The following PRKCB variants were observed in gnomAD, a reference collection of about 807,000 sequenced individuals.
PRKCB encodes protein kinase C beta.
A neutral mutation model predicts 81.5 loss-of-function variants in PRKCB; 13 were observed. That is an observed-to-expected ratio of 0.16 (90% CI 0.10 to 0.25). The LOEUF is 0.25. Among genes scored for constraint, PRKCB ranks in the 10% least tolerant of loss-of-function variants. The probability of loss-of-function intolerance (pLI) is 1.00; values close to 1 mark genes in which losing one functional copy is unlikely to be tolerated. For synonymous variants in PRKCB, 335 were observed against 321.4 expected (o/e 1.04, Z -0.45); for missense variants, 509 against 875.7 (o/e 0.58, Z 5.29).
At chr16:23,928,128 T>A (rs1464205847) in intron 2 of PRKCB, among the ~76,000 whole-genome samples, 2 of 151,988 alleles carry the variant, frequency 1.3e-5, no homozygotes, top group Non-Finnish European at 2.9e-5. Flanking sequence ...GTTTATTTTT[T>A]ATTTTTATTT....
intron 2 of PRKCB, among the ~76,000 whole-genome samples, chr16:23,887,373 G>T (rs933292): frequency 6.6e-6 from 1 of 152,132 alleles, no homozygotes; most frequent in South Asian, 2.1e-4. Context: ...CGAGTTCCCA[G>T]TGTCTGTTGT....
At chr16:23,953,691 C>T (rs2141781501) in intron 2 of PRKCB, among the ~76,000 whole-genome samples, 1 of 152,262 alleles carries the variant, frequency 6.6e-6, no homozygotes, top group East Asian at 1.9e-4. Context: ...AATGCGTGAG[C>T]ACATTCATTC....
intron 8 of PRKCB, 72 bp downstream of exon 8, chr16:24,113,141 CTCT>C (rs1966695544): frequency 3.9e-6 from 4 of 1,026,380 alleles, no homozygotes; most frequent in Non-Finnish European, 4.3e-6. Context: ...CTGCTCCCTC[CTCT>C]TTCTTTCTCT....
chr16:24,024,586 C>T (rs921121949), intron 3 of PRKCB, among the ~76,000 whole-genome samples: 1 of 151,984 alleles, frequency 6.6e-6, no homozygotes, highest in African/African-American at 2.4e-5. Context: ...CACATTGTAC[C>T]CCATAAATGC....
At chr16:23,982,149 C>G (rs1964739198) in intron 2 of PRKCB, among the ~76,000 whole-genome samples, 1 of 49,652 alleles carries the variant, frequency 2.0e-5, no homozygotes, top group South Asian at 1.9e-3. Context: ...CCTTCCCTTT[C>G]CCTTCCCCTT....
intron 10 of PRKCB, among the ~76,000 whole-genome samples, chr16:24,156,315 C>T (rs1967155762): frequency 6.6e-6 from 1 of 151,838 alleles, no homozygotes; most frequent in Non-Finnish European, 1.5e-5. Context: ...GGCTCTGTCT[C>T]CCCAGCTAGA....
At chr16:24,028,106 T>G (rs951752446) in intron 3 of PRKCB, among the ~76,000 whole-genome samples, 2 of 152,154 alleles carry the variant, frequency 1.3e-5, no homozygotes, top group South Asian at 4.1e-4. Flanking sequence ...TTCTTTTTTT[T>G]GAGATGGAGT....
chr16:24,167,671 A>G (rs1967369192), intron 10 of PRKCB, among the ~76,000 whole-genome samples: 1 of 152,174 alleles, frequency 6.6e-6, no homozygotes, highest in African/African-American at 2.4e-5. Flanking sequence ...CCTGGACTGG[A>G]AGCTCTTTGA....
intron 2 of PRKCB, among the ~76,000 whole-genome samples, chr16:23,895,015 G>A (rs897206242): frequency 1.1e-4 from 16 of 151,976 alleles, no homozygotes; most frequent in African/African-American, 3.9e-4. Context: ...AAGTTTGAGT[G>A]GATTTACCAT....
intron 3 of PRKCB, 33 bp from the exon 4 acceptor site, chr16:24,032,103 G>T (rs562786664): frequency 6.7e-7 from 1 of 1,488,058 alleles, no homozygotes. Context: ...CTCCACTGAC[G>T]CTGGCTCCTT....
At chr16:24,115,418 C>T (rs975130571) in intron 8 of PRKCB, among the ~76,000 whole-genome samples, 1 of 150,532 alleles carries the variant, frequency 6.6e-6, no homozygotes, top group East Asian at 2.0e-4. Flanking sequence ...GCATTTATCC[C>T]AAGAGCATTT....
intron 5 of PRKCB, among the ~76,000 whole-genome samples, chr16:24,061,059 TTTTTAATC>T (rs1157281204): frequency 1.3e-5 from 2 of 152,126 alleles, no homozygotes; most frequent in Admixed American, 1.3e-4. Context: ...TTGTTAATAA[TTTTTAATC>T]TTTTTTTTTT....
intron 2 of PRKCB, chr16:23,963,328 A>G (rs1964448998): frequency 6.6e-6 from 1 of 152,208 alleles, no homozygotes; most frequent in Admixed American, 6.5e-5. Context: ...AGTGCCTGGA[A>G]CACGGTAAGC....
intron 12 of PRKCB, among the ~76,000 whole-genome samples, chr16:24,176,032 A>G (rs1340454985): frequency 6.6e-6 from 1 of 151,388 alleles, no homozygotes; most frequent in Admixed American, 6.6e-5. Flanking sequence ...CAAGGCAGAT[A>G]GCGGAGGCCA....
intron 7 of PRKCB, among the ~76,000 whole-genome samples, chr16:24,095,877 T>A (rs1966432468): frequency 6.6e-6 from 1 of 152,180 alleles, no homozygotes; most frequent in Non-Finnish European, 1.5e-5. Flanking sequence ...ACCTCTGGAA[T>A]AATGGCTGGT....
intron 5 of PRKCB, among the ~76,000 whole-genome samples, chr16:24,053,305 A>G (rs561678944): frequency 1.3e-5 from 2 of 152,340 alleles, no homozygotes; most frequent in South Asian, 2.1e-4. Flanking sequence ...GGGCTTGACA[A>G]ACTTTTTCTG....
intron 2 of PRKCB, among the ~76,000 whole-genome samples, chr16:23,968,724 G>A (rs1393308896): frequency 6.6e-6 from 1 of 152,190 alleles, no homozygotes; most frequent in Non-Finnish European, 1.5e-5. Flanking sequence ...GGAACAAGCA[G>A]CACGTAACTC....
At chr16:23,839,105 C>T (rs1377105724) in intron 2 of PRKCB, among the ~76,000 whole-genome samples, 1 of 152,106 alleles carries the variant, frequency 6.6e-6, no homozygotes, top group Non-Finnish European at 1.5e-5. Flanking sequence ...GCCACCTGCT[C>T]TGCTGTTATT....
At chr16:23,844,665 G>T (rs908333489) in intron 2 of PRKCB, among the ~76,000 whole-genome samples, 1 of 151,622 alleles carries the variant, frequency 6.6e-6, no homozygotes, top group Non-Finnish European at 1.5e-5. Context: ...CCACCACCTC[G>T]CCCGGCTAAT....
Sources: gnomAD v4.1 joint callset for allele counts (sites outside exome capture counted in the v4.1 genomes callset) on GRCh38, gnomAD v4.1.1 for gene constraint, MANE v1.5 for transcripts, NCBI Gene and HGNC (gene_info 2026-07-23, HGNC 2026-07-21) for gene names.